The following CALN1 variants were observed in gnomAD, a reference collection of about 807,000 sequenced individuals.
The protein encoded by CALN1 is calcium-binding protein 8.
Under a neutral mutation model 30.6 loss-of-function variants are expected in CALN1, and 17 were observed. The observed-to-expected ratio is 0.56, with a 90% confidence interval of 0.38 to 0.83. The LOEUF (loss-of-function observed/expected upper bound fraction) is 0.83. CALN1 is among the 40% of genes least tolerant of loss of function. The probability of loss-of-function intolerance (pLI) is 0.00; values close to 1 mark genes in which losing one functional copy is unlikely to be tolerated. For missense variants in CALN1, 291 were observed against 354.9 expected, an observed-to-expected ratio of 0.82 and a Z score of 1.45; for synonymous variants, 156 against 131.4, an observed-to-expected ratio of 1.19 and a Z score of -1.28.
At chr7:72,411,461 T>C (rs1807141537) in intron 1 of CALN1, among the ~76,000 whole-genome samples, 1 of 152,178 alleles carries the variant, frequency 6.6e-6, no homozygotes, top group South Asian at 2.1e-4. Flanking sequence ...AACTCTGAAA[T>C]CTAGTTTGAA....
intron 6 of CALN1, among the ~76,000 whole-genome samples, chr7:71,805,248 A>G (rs936674943): frequency 6.6e-6 from 1 of 152,048 alleles, no homozygotes; most frequent in Non-Finnish European, 1.5e-5. Flanking sequence ...GACCTTCCTA[A>G]TTGGTGTGAT....
At chr7:71,882,850 T>TTA in intron 5 of CALN1, among the ~76,000 whole-genome samples, 1 of 130,970 alleles carries the variant, frequency 7.6e-6, no homozygotes, top group East Asian at 2.4e-4. Context: ...CCCATCTAAT[T>TTA]TGTGTGTGTG....
chr7:72,334,205 C>T (rs536977355), intron 2 of CALN1, among the ~76,000 whole-genome samples: 69 of 152,296 alleles, frequency 4.5e-4, no homozygotes, highest in Admixed American at 3.7e-3. Flanking sequence ...AGGCTTTAAA[C>T]GTCCAAAGTC....
At chr7:71,970,552 G>A (rs560587747) in intron 5 of CALN1, among the ~76,000 whole-genome samples, 2 of 151,928 alleles carry the variant, frequency 1.3e-5, no homozygotes, top group East Asian at 3.9e-4. Context: ...ATGGCAACTA[G>A]GCTTTTTGGG....
chr7:72,236,374 C>T (rs972233818), intron 3 of CALN1, among the ~76,000 whole-genome samples: 1 of 152,152 alleles, frequency 6.6e-6, no homozygotes, highest in African/African-American at 2.4e-5. Flanking sequence ...AGCCCACCCG[C>T]CCTCCGAATC....
chr7:72,278,634 A>G, intron 3 of CALN1, 52 bp downstream of exon 3: 2 of 1,589,304 alleles, frequency 1.3e-6, no homozygotes, highest in South Asian at 2.2e-5. Context: ...CAATAGCCAG[A>G]AACACCTCCC....
At chr7:72,221,791 G>C (rs1306957295) in intron 3 of CALN1, among the ~76,000 whole-genome samples, 1 of 151,900 alleles carries the variant, frequency 6.6e-6, no homozygotes, top group African/African-American at 2.4e-5. Flanking sequence ...TCAGGAGGTT[G>C]AGGCAGAGAA....
intron 5 of CALN1, among the ~76,000 whole-genome samples, chr7:71,945,710 C>T (rs186458409): frequency 2.6e-5 from 4 of 152,294 alleles, no homozygotes; most frequent in South Asian, 2.1e-4. Context: ...CAGAGGAGAT[C>T]GTCTAGCTGC....
upstream of CALN1, among the ~76,000 whole-genome samples, chr7:72,449,584 G>C (rs556332712): frequency 1.8e-4 from 28 of 152,052 alleles, no homozygotes; most frequent in Non-Finnish European, 3.5e-4. Context: ...CAAAGAATCT[G>C]CCGTCAGGCT....
chr7:72,491,153 A>G, the CALN1 span, among the ~76,000 whole-genome samples: 1 of 152,032 alleles, frequency 6.6e-6, no homozygotes, highest in East Asian at 1.9e-4. Flanking sequence ...CTGAGGCAGG[A>G]GAATGGCGTG....
At chr7:71,978,592 C>A (rs1189818989) in intron 5 of CALN1, among the ~76,000 whole-genome samples, 4 of 152,136 alleles carry the variant, frequency 2.6e-5, no homozygotes, top group African/African-American at 9.7e-5. Context: ...ACAGTAGCAG[C>A]CTTAGCACTG....
chr7:71,942,921 A>G (rs1168742005), intron 5 of CALN1, among the ~76,000 whole-genome samples: 1 of 152,068 alleles, frequency 6.6e-6, no homozygotes, highest in East Asian at 1.9e-4. Flanking sequence ...CAGAAACTCA[A>G]AAGAATGTAA....
chr7:72,113,177 G>T (rs138897233), intron 3 of CALN1, among the ~76,000 whole-genome samples: 1 of 152,142 alleles, frequency 6.6e-6, no homozygotes, highest in Non-Finnish European at 1.5e-5. Context: ...TGAGCCATGG[G>T]GCCAGATCCT....
rs560318979 is a variant in CALN1 at position 71,977,867 on chromosome 7, C to T, written c.501+45790G>A. ...GAATCGCTTGAACCTGGGAAGCAGACGTTGCAGTGAGCTGAGATTGTGCCA... is the reference window on the plus strand; with the variant it reads ...GAATCGCTTGAACCTGGGAAGCAGATGTTGCAGTGAGCTGAGATTGTGCCA... On this transcript the variant is annotated intron_variant, in intron 5 of 6. Coordinates refer to ENST00000395275, the MANE Select transcript of CALN1 (RefSeq NM_031468.4). Among the ~76,000 whole-genome samples, 4 of 147,964 alleles carry T rather than the reference C, an allele frequency of 2.7e-5. No individual in the cohort carries two copies. In the East Asian group the frequency reaches 6.1e-4, roughly 23 times the overall value.
chr7:72,393,639 G>A lies in CALN1; in HGVS notation c.119+9612C>T, dbSNP rs1025756840. ...CTGTCCCACAGCTGGGCCCCCCCCA[G>A]GCAAATGCCAAAAGAATAGGTATAC... is the stretch of plus-strand genomic sequence containing the variant. On this transcript the variant is annotated intron_variant, in intron 2 of 6. Transcript: ENST00000395275. Among the ~76,000 whole-genome samples, 4 of 152,152 alleles carry A rather than the reference G, an allele frequency of 2.6e-5. No individual in the cohort carries two copies. The East Asian group carries it at 5.8e-4, about 22-fold the overall frequency.
intron 2 of CALN1, among the ~76,000 whole-genome samples, chr7:72,356,060 T>A (rs1298567473): frequency 6.6e-6 from 1 of 152,222 alleles, no homozygotes; most frequent in Non-Finnish European, 1.5e-5. Context: ...CATTACACAT[T>A]GTATACATGT....
chr7:71,866,483 T>C (rs1791595014), intron 5 of CALN1, among the ~76,000 whole-genome samples: 1 of 152,168 alleles, frequency 6.6e-6, no homozygotes, highest in African/African-American at 2.4e-5. Flanking sequence ...GTAAAGTAAG[T>C]AGCATATGAT....
intron 2 of CALN1, among the ~76,000 whole-genome samples, chr7:72,359,025 T>G (rs1393539987): frequency 6.6e-6 from 1 of 151,478 alleles, no homozygotes; most frequent in African/African-American, 2.4e-5. Context: ...CTCATCACAG[T>G]GCATCCTTTT....
rs116408030 is a variant in CALN1 at position 72,138,754 on chromosome 7, T to C, written c.245-32460A>G. 3.7e-3 allele frequency among the ~76,000 whole-genome samples: 561 copies of C among 152,292 alleles called. 3 individuals carry two copies. Among genetic ancestry groups the C allele is most frequent in the African/African-American group, 0.013 (525 of 41,566 alleles). On this transcript the variant is annotated intron_variant, in intron 3 of 6. Coordinates refer to ENST00000395275, the MANE Select transcript of CALN1 (RefSeq NM_031468.4). Reference sequence around the variant, plus strand: ...GATAAAACAGCACATGAAAGAACCATTGGTCGGCCTCTCTCCCCTGGGTCC... The same window carrying C: ...GATAAAACAGCACATGAAAGAACCACTGGTCGGCCTCTCTCCCCTGGGTCC...
Sources: gnomAD v4.1 joint callset for allele counts (sites outside exome capture counted in the v4.1 genomes callset) on GRCh38, gnomAD v4.1.1 for gene constraint, MANE v1.5 for transcripts, NCBI Gene and HGNC (gene_info 2026-07-23, HGNC 2026-07-21) for gene names.